The following ZNF316 variants were observed in gnomAD, a reference collection of about 807,000 sequenced individuals.
ZNF316 encodes zinc finger protein 316.
In ZNF316, 23 loss-of-function variants were observed where a neutral mutation model predicts 75.6. That is an observed-to-expected ratio of 0.30 (90% CI 0.22 to 0.43). ZNF316 has a LOEUF of 0.43. Ranked by LOEUF, ZNF316 falls within the 20% of genes least tolerant of loss-of-function variation. The probability of loss-of-function intolerance (pLI) is 1.00; values close to 1 mark genes in which losing one functional copy is unlikely to be tolerated. For missense variants in ZNF316, 1,266 were observed against 1,409.4 expected (o/e 0.90, Z 1.63); for synonymous variants, 827 against 666.2 (o/e 1.24, Z -3.72).
chr7:6,653,324 G>A lies in ZNF316; in HGVS notation c.1728G>A (p.Arg576=). 8.2e-7 allele frequency: 1 copy of A among 1,226,628 alleles called. No homozygotes were observed. Among genetic ancestry groups the A allele is most frequent in the Non-Finnish European group, 1.0e-6 (1 of 985,244 alleles). 76.0% of individuals were successfully genotyped at this position (1,226,628 alleles called of 1,614,324 possible). A position where few individuals can be genotyped will look rare whatever the true frequency, so the allele number is the denominator to read the frequency against. ...GCAAGGTGGACCCCGCGCCGGAACG[G>A]CGCTTCCTGGAGCTGGGCAACGGCC... ...PSGKVDPAPE[R]RFLELGNGLG... is the part of the protein sequence containing the mutation. Residue 576 remains arginine, a synonymous_variant, in exon 9 of 9, where the codon CGG becomes CGA. Coordinates refer to ENST00000382252, the MANE Select transcript of ZNF316 (RefSeq NM_001278559.2).
Position 6,639,959 on chromosome 7 carries a change from C to T in ZNF316, c.-167+818C>T, listed in dbSNP as rs373508802. Among the ~76,000 whole-genome samples, 4 of 152,060 alleles carry T rather than the reference C, an allele frequency of 2.6e-5. No individual in the cohort carries two copies. The highest frequency in any genetic ancestry group is 1.5e-5 in the Non-Finnish European group (1 of 68,024). Reference sequence around the variant, plus strand: ...TGGGAGAGGCTGGAGGTTGGGGTGGCGCTCCCAGGCGTAGTTCTGTGACTT... The same window carrying T: ...TGGGAGAGGCTGGAGGTTGGGGTGGTGCTCCCAGGCGTAGTTCTGTGACTT... On this transcript the variant is annotated intron_variant, in intron 3 of 8. Coordinates refer to ENST00000382252, the MANE Select transcript of ZNF316 (RefSeq NM_001278559.2). This position sits in a 1 kb window ranked among gnomAD's most constrained non-coding sequence, Gnocchi z 4.2.
At chr7:6,643,094 G>C in intron 6 of ZNF316, 21 bp downstream of exon 6, 1 of 1,233,412 alleles carries the variant, frequency 8.1e-7, no homozygotes, top group Non-Finnish European at 1.0e-6. Context: ...CTCTCCGTTT[G>C]GGGCTTGGGT....
At chr7:6,650,869 T>C (rs1779495613) in intron 8 of ZNF316, among the ~76,000 whole-genome samples, 1 of 152,176 alleles carries the variant, frequency 6.6e-6, no homozygotes, top group Admixed American at 6.5e-5. Flanking sequence ...GCCTGCTCCA[T>C]AGACACCAGT....
intron 6 of ZNF316, 147 bp from the exon 7 acceptor site, chr7:6,643,675 G>T: frequency 1.5e-6 from 1 of 679,860 alleles, no homozygotes; most frequent in South Asian, 8.2e-5. Context: ...TGCTTTCCAG[G>T]GCTGTGGCAA....
In ZNF316 at chr7:6,642,640, G is replaced by A. The variant is rs1404630297; in HGVS notation, c.231G>A (p.Val77=). The change falls in exon 5 of 9, where the codon GTG becomes GTA. Residue 77 remains valine, a synonymous_variant. Coordinates refer to ENST00000382252, the MANE Select transcript of ZNF316 (RefSeq NM_001278559.2). This position sits in a 1 kb window ranked among gnomAD's most constrained non-coding sequence, Gnocchi z 8.1. ...TGGAGGCGGTGGCCGAGGTGGAGGTGGAGGCGGACGTGGAGGAGGAGGATG... is the reference window on the plus strand; with the variant it reads ...TGGAGGCGGTGGCCGAGGTGGAGGTAGAGGCGGACGTGGAGGAGGAGGATG... ...AQVEAVAEVE[V]EADVEEEDVK... 2 of 1,235,662 alleles carry A rather than the reference G, an allele frequency of 1.6e-6. No homozygotes were observed. The highest frequency in any genetic ancestry group is 1.6e-5 in the African/African-American group (1 of 64,422). 76.5% of individuals were successfully genotyped at this position (1,235,662 alleles called of 1,614,324 possible).
At chr7:6,647,217 G>A (rs1002553292) in intron 8 of ZNF316, among the ~76,000 whole-genome samples, 3 of 152,100 alleles carry the variant, frequency 2.0e-5, no homozygotes, top group African/African-American at 4.8e-5. Context: ...ACCTGCCCCA[G>A]TGAGGGGCAG....
At chr7:6,638,635 G>T (rs1314647823) in intron 2 of ZNF316, among the ~76,000 whole-genome samples, 2 of 151,978 alleles carry the variant, frequency 1.3e-5, no homozygotes, top group Non-Finnish European at 2.9e-5. Context: ...CAGGGCCCTA[G>T]TAGAAATGAG....
chr7:6,651,387 G>A (rs1779504588), intron 8 of ZNF316, among the ~76,000 whole-genome samples: 1 of 151,806 alleles, frequency 6.6e-6, no homozygotes, highest in South Asian at 2.1e-4. Flanking sequence ...GGGCGCGGTG[G>A]GTCACGCCTG....
Position 6,643,702 on chromosome 7 carries a change from G to C in ZNF316, c.466-120G>C, listed in dbSNP as rs78894946. 1.5e-3 allele frequency: 1,400 copies of C among 939,078 alleles called. 33 individuals are homozygous for C. In the East Asian group the frequency reaches 0.042, roughly 28 times the overall value. The allele number at this position is 939,078 out of a possible 1,614,324, so 58.2% of individuals were successfully genotyped here. On this transcript the variant is annotated intron_variant, in intron 6 of 8. Transcript: ENST00000382252. ...CTGTGGCAAGGCCTGAAAGCCCTCA[G>C]TGCCATCTGGGCATCTGTGTCCCCT...
At chr7:6,651,381 G>A (rs560912542) in intron 8 of ZNF316, among the ~76,000 whole-genome samples, 196 of 149,550 alleles carry the variant, frequency 1.3e-3, no homozygotes, top group Middle Eastern at 6.9e-3. Context: ...AAGGCTGGGC[G>A]CGGTGGGTCA....
Position 6,640,299 on chromosome 7 carries a change from C to T in ZNF316, c.-167+1158C>T, listed in dbSNP as rs527713489. Among the ~76,000 whole-genome samples, 4 of 152,074 alleles carry T rather than the reference C, an allele frequency of 2.6e-5. No homozygotes were observed. Among genetic ancestry groups the T allele is most frequent in the Non-Finnish European group, 4.4e-5 (3 of 68,028 alleles). On this transcript the variant is annotated intron_variant, in intron 3 of 8. Coordinates refer to ENST00000382252, the MANE Select transcript of ZNF316 (RefSeq NM_001278559.2). This position sits in a 1 kb window ranked among gnomAD's most constrained non-coding sequence, Gnocchi z 5.1. The stretch of plus-strand genomic sequence containing the variant: ...ATTTATAAAGAAGAGGTGAGACTGG[C>T]GCATGGTTCTGCAGGCTGTACAGGA...
chr7:6,653,043 C>G lies in ZNF316; in HGVS notation c.1447C>G (p.Arg483Gly). The change falls in exon 9 of 9, where the codon CGC (arginine) becomes GGC (glycine). Residue 483 changes from arginine to glycine, a missense_variant. Coordinates refer to ENST00000382252, the MANE Select transcript of ZNF316 (RefSeq NM_001278559.2). Reference protein sequence around the residue: ...ARHQAVHTADRPHCCPDCGQA... With the variant: ...ARHQAVHTADGPHCCPDCGQA... ...GCACCAGGCGGTGCACACGGCCGAC[C>G]GCCCGCACTGCTGTCCCGACTGCGG... The G allele has an allele frequency of 8.2e-7, 1 of 1,218,938 alleles. No individual in the cohort carries two copies. Among genetic ancestry groups the G allele is most frequent in the Non-Finnish European group, 1.0e-6 (1 of 979,898 alleles). 75.5% of individuals were successfully genotyped at this position (1,218,938 alleles called of 1,614,324 possible). A position where few individuals can be genotyped will look rare whatever the true frequency, so the allele number is the denominator to read the frequency against.
intron 3 of ZNF316, among the ~76,000 whole-genome samples, chr7:6,641,281 G>A (rs1779307433): frequency 6.6e-6 from 1 of 152,208 alleles, no homozygotes; most frequent in Non-Finnish European, 1.5e-5. Flanking sequence ...TGGGGCTCAT[G>A]GCCTCTCCCC....
intron 6 of ZNF316, 35 bp from the exon 7 acceptor site, chr7:6,643,787 C>T (rs1465245907): frequency 1.5e-5 from 18 of 1,232,764 alleles, no homozygotes; most frequent in Non-Finnish European, 1.8e-5. Context: ...GTAAAGGGCT[C>T]CCTCAGCCTC....
chr7:6,650,517 G>A (rs1033595912), intron 8 of ZNF316, among the ~76,000 whole-genome samples: 1 of 152,142 alleles, frequency 6.6e-6, no homozygotes, highest in African/African-American at 2.4e-5. Context: ...GCGGCTCTAG[G>A]TCCCCATATG....
At position 6,643,920 on chromosome 7, in the gene ZNF316, G is replaced by C; in HGVS notation, c.564G>C (p.Gln188His). 8.1e-7 allele frequency: 1 copy of C among 1,233,694 alleles called. No homozygotes were observed. Among genetic ancestry groups the C allele is most frequent in the Non-Finnish European group, 1.0e-6 (1 of 989,010 alleles). 76.4% of individuals were successfully genotyped at this position (1,233,694 alleles called of 1,614,324 possible). A position where few individuals can be genotyped will look rare whatever the true frequency, so the allele number is the denominator to read the frequency against. The change falls in exon 7 of 9, where the codon CAG becomes CAC. Residue 188 changes from glutamine (Q) to histidine (H), a missense_variant. Around this residue, in one of 3 missense-constraint regions of ZNF316, gnomAD observed 961 missense variants for 990.9 expected, o/e 0.97. Transcript: ENST00000382252. Reference sequence around the variant, plus strand: ...GGGGCCTCTACCAGGAAGTCATGCAGGAGAACTATGGGATTCTCGTGTCCT... The same window carrying C: ...GGGGCCTCTACCAGGAAGTCATGCACGAGAACTATGGGATTCTCGTGTCCT... The part of the protein sequence containing the change: ...DQRGLYQEVM[Q>H]ENYGILVSLG...
rs900120793 is a variant in ZNF316 at position 6,657,286 on chromosome 7, G to A, written c.*2675G>A. The stretch of plus-strand genomic sequence containing the variant: ...TGGGATTGCAGGTGTGAGTCACCGC[G>A]CCCGGCCAGAGCAACCTAATATTTC... On this transcript the variant is annotated 3_prime_UTR_variant, in exon 9 of 9. Coordinates refer to ENST00000382252, the MANE Select transcript of ZNF316 (RefSeq NM_001278559.2). Among the ~76,000 whole-genome samples the A allele has an allele frequency of 2.3e-5, 3 of 133,092 alleles. No homozygotes were observed. The highest frequency in any genetic ancestry group is 8.7e-5 in the Admixed American group (1 of 11,438). 87.3% of individuals were successfully genotyped at this position (133,092 alleles called of 152,430 possible).
Position 6,653,298 on chromosome 7 carries a change from G to A in ZNF316, c.1702G>A (p.Gly568Ser), listed in dbSNP as rs901885547. The A allele has an allele frequency of 2.0e-5, 24 of 1,227,640 alleles. No homozygotes were observed. In the African/African-American group the frequency reaches 3.4e-4, roughly 18 times the overall value. 76.0% of individuals were successfully genotyped at this position (1,227,640 alleles called of 1,614,324 possible). A position where few individuals can be genotyped will look rare whatever the true frequency, so the allele number is the denominator to read the frequency against. ...EAAVAAPTPSGKVDPAPERRF... is the reference protein window; with the variant it reads ...EAAVAAPTPSSKVDPAPERRF... ...GGCGGTGGCGGCGCCCACCCCCAGC[G>A]GCAAGGTGGACCCCGCGCCGGAACG... Residue 568 changes from glycine to serine, a missense_variant, in exon 9 of 9, where the codon GGC (glycine) becomes AGC (serine). Physicochemically the swap from Gly to Ser is moderately conservative, Grantham distance 56. Coordinates refer to ENST00000382252, the MANE Select transcript of ZNF316 (RefSeq NM_001278559.2).
Position 6,653,063 on chromosome 7 carries a change from C to T in ZNF316, c.1467C>T (p.Asp489=). ...HTADRPHCCP[D]CGQAFRLRAD... is the part of the protein sequence containing the mutation. ...CCGACCGCCCGCACTGCTGTCCCGACTGCGGCCAGGCCTTCCGCCTGCGCG... is the reference window on the plus strand; with the variant it reads ...CCGACCGCCCGCACTGCTGTCCCGATTGCGGCCAGGCCTTCCGCCTGCGCG... The change falls in exon 9 of 9, where the codon GAC becomes GAT. Residue 489 remains aspartate, a synonymous_variant. Transcript: ENST00000382252. The T allele has an allele frequency of 2.5e-6, 3 of 1,212,228 alleles. No homozygotes were observed. Among genetic ancestry groups the T allele is most frequent in the Non-Finnish European group, 3.1e-6 (3 of 975,834 alleles). The allele number at this position is 1,212,228 out of a possible 1,614,324, so 75.1% of individuals were successfully genotyped here.
Sources: allele counts gnomAD v4.1 joint callset (sites outside exome capture counted in the v4.1 genomes callset), GRCh38; gene constraint gnomAD v4.1.1; regional missense constraint gnomAD v4.1.1; non-coding constraint Gnocchi (gnomAD v3.1); transcripts MANE v1.5; gene names NCBI Gene and HGNC (gene_info 2026-07-23, HGNC 2026-07-21).